Variants in CCSER1 observed in about 807,000 individuals in gnomAD.
The protein encoded by CCSER1 is serine-rich coiled-coil domain-containing protein 1.
Under a neutral mutation model 82.0 loss-of-function variants are expected in CCSER1, and 41 were observed. The observed-to-expected ratio is 0.50, with a 90% CI of 0.39 to 0.65. The LOEUF (loss-of-function observed/expected upper bound fraction) is 0.65. Ranked by LOEUF, CCSER1 falls within the 30% of genes least tolerant of loss-of-function variation. The pLI is 0.00. For missense variants in CCSER1, 1,119 were observed against 1,064.2 expected (o/e 1.05, Z -0.72); for synonymous variants, 414 against 383.9 (o/e 1.08, Z -0.92).
At chr4:90,143,276 T>A (rs1725147172) in intron 1 of CCSER1, among the ~76,000 whole-genome samples, 1 of 152,162 alleles carries the variant, frequency 6.6e-6, no homozygotes, top group Non-Finnish European at 1.5e-5. Flanking sequence ...GCTTCATCTC[T>A]CAAGTCAAGC....
At chr4:91,282,806 T>C (rs868468048) in intron 10 of CCSER1, among the ~76,000 whole-genome samples, 2 of 152,292 alleles carry the variant, frequency 1.3e-5, no homozygotes, top group Middle Eastern at 3.4e-3. Context: ...ATCCACCACT[T>C]TAACTATTTA....
At chr4:90,973,267 C>T (rs1735288996) in intron 9 of CCSER1, among the ~76,000 whole-genome samples, 1 of 151,630 alleles carries the variant, frequency 6.6e-6, no homozygotes, top group African/African-American at 2.4e-5. Context: ...GCAAGCTATC[C>T]ATCCCATAAG....
At chr4:91,030,132 C>T (rs777170406) in intron 9 of CCSER1, among the ~76,000 whole-genome samples, 1 of 151,376 alleles carries the variant, frequency 6.6e-6, no homozygotes, top group African/African-American at 2.4e-5. Context: ...TTGTAAGCAA[C>T]CCACCAGAGA....
At chr4:90,719,523 G>T (rs933008831) in intron 6 of CCSER1, among the ~76,000 whole-genome samples, 2 of 152,106 alleles carry the variant, frequency 1.3e-5, no homozygotes, top group Admixed American at 1.3e-4. Flanking sequence ...ATGCCAAAAA[G>T]GTTGAAGACC....
intron 7 of CCSER1, among the ~76,000 whole-genome samples, chr4:90,766,145 T>C (rs1329733653): frequency 2.0e-5 from 3 of 152,152 alleles, no homozygotes; most frequent in Admixed American, 1.3e-4. Flanking sequence ...TTTGGGGACT[T>C]GTCATATGCC....
chr4:91,015,633 T>C (rs1009934306), intron 9 of CCSER1: 1 of 151,880 alleles, frequency 6.6e-6, no homozygotes, highest in Non-Finnish European at 1.5e-5. Flanking sequence ...AAAAATACAA[T>C]ATTTAAATAT....
intron 7 of CCSER1, among the ~76,000 whole-genome samples, chr4:90,724,209 T>C (rs1743228280): frequency 6.6e-6 from 1 of 151,984 alleles, no homozygotes; most frequent in South Asian, 2.1e-4. Context: ...GACAATTGTT[T>C]GTCTTACATG....
chr4:90,792,022 A>C (rs187478624), intron 7 of CCSER1, among the ~76,000 whole-genome samples: 1 of 152,312 alleles, frequency 6.6e-6, no homozygotes, highest in Non-Finnish European at 1.5e-5. Context: ...GTATGCCCAT[A>C]TATAGTATTG....
intron 7 of CCSER1, among the ~76,000 whole-genome samples, chr4:90,757,773 G>T (rs1749767523): frequency 6.6e-6 from 1 of 151,514 alleles, no homozygotes; most frequent in Non-Finnish European, 1.5e-5. Context: ...AGTAAGCCAA[G>T]GAGCACATCA....
At chr4:91,042,176 A>T (rs2150579335) in intron 9 of CCSER1, among the ~76,000 whole-genome samples, 1 of 152,258 alleles carries the variant, frequency 6.6e-6, no homozygotes, top group South Asian at 2.1e-4. Flanking sequence ...GGTGGAGGTA[A>T]TTGAATCATT....
intron 9 of CCSER1, among the ~76,000 whole-genome samples, chr4:91,067,586 G>A (rs1465303708): frequency 6.6e-6 from 1 of 151,858 alleles, no homozygotes; most frequent in East Asian, 1.9e-4. Flanking sequence ...CTCAAGTGAT[G>A]CTTCCACCTC....
At chr4:90,420,141 A>G (rs1560491234) in intron 4 of CCSER1, among the ~76,000 whole-genome samples, 1 of 151,774 alleles carries the variant, frequency 6.6e-6, no homozygotes, top group Non-Finnish European at 1.5e-5. Flanking sequence ...AGATATTTCA[A>G]AATTTAATAT....
chr4:90,916,184 C>T (rs1237842069), intron 8 of CCSER1, among the ~76,000 whole-genome samples: 3 of 151,858 alleles, frequency 2.0e-5, no homozygotes, highest in African/African-American at 4.8e-5. Context: ...CATATGGAAC[C>T]AAAAAAGAGC....
rs199847149 is a variant in CCSER1, at chr4:90,812,178, ACT to A, written c.2011-3577_2011-3576del. 2.7e-5 allele frequency among the ~76,000 whole-genome samples: 4 copies of A among 149,942 alleles called. No homozygotes were observed. In the East Asian group the frequency reaches 5.9e-4, roughly 22 times the overall value. On this transcript the variant is annotated intron_variant, in intron 7 of 10. Transcript: ENST00000509176. ...AATATGTAGGCTGGGAGGCTAGGCC[ACT>A]CTCTCTTTTCACATTTTTCTGCCTG...
At chr4:90,475,218 G>A (rs755336868) in intron 5 of CCSER1, among the ~76,000 whole-genome samples, 13 of 151,952 alleles carry the variant, frequency 8.6e-5, no homozygotes, top group Non-Finnish European at 1.2e-4. Flanking sequence ...CCATCACTTC[G>A]TGCCTTCAAA....
At chr4:90,297,348 C>T (rs1237869144) in intron 1 of CCSER1, among the ~76,000 whole-genome samples, 1 of 150,802 alleles carries the variant, frequency 6.6e-6, no homozygotes, top group Non-Finnish European at 1.5e-5. Context: ...GATTTTATAT[C>T]CTGAGACTTT....
intron 5 of CCSER1, among the ~76,000 whole-genome samples, chr4:90,531,200 GA>G (rs1188668927): frequency 3.3e-5 from 5 of 151,574 alleles, no homozygotes; most frequent in African/African-American, 1.2e-4. Flanking sequence ...AGTAGAAAAT[GA>G]AAAACATAGA....
chr4:90,905,755 A>T (rs1031025947), intron 8 of CCSER1, among the ~76,000 whole-genome samples: 3 of 151,652 alleles, frequency 2.0e-5, no homozygotes, highest in Non-Finnish European at 4.4e-5. Context: ...TATACATCCC[A>T]CTCCTTTGCT....
intron 10 of CCSER1, among the ~76,000 whole-genome samples, chr4:91,111,938 A>G (rs534000437): frequency 1.3e-5 from 2 of 152,026 alleles, no homozygotes; most frequent in Admixed American, 1.3e-4. Flanking sequence ...GTCAAATAAA[A>G]TTTTCTTTCT....
Sources: gnomAD v4.1 joint callset for allele counts (sites outside exome capture counted in the v4.1 genomes callset) on GRCh38, gnomAD v4.1.1 for gene constraint, MANE v1.5 for transcripts, NCBI Gene and HGNC (gene_info 2026-07-23, HGNC 2026-07-21) for gene names.